TDRD1: variants seen among roughly 807,000 people sequenced by gnomAD.
TDRD1 encodes the protein tudor domain containing 1.
A neutral mutation model predicts 140.6 loss-of-function variants in TDRD1; 37 were observed. The ratio of observed to expected loss-of-function variants is 0.26; its 90% CI spans 0.20 to 0.35. TDRD1 has a LOEUF of 0.35. TDRD1 is among the 10% of genes least tolerant of loss of function. The probability of loss-of-function intolerance (pLI) is 1.00; values close to 1 mark genes in which losing one functional copy is unlikely to be tolerated. For missense variants in TDRD1, 1,243 were observed against 1,393.0 expected, an observed-to-expected ratio of 0.89 and a Z score of 1.71; for synonymous variants, 506 against 475.7, an observed-to-expected ratio of 1.06 and a Z score of -0.83.
chr10:114,217,492 GTTGT>G (rs1214632287), intron 16 of TDRD1, 49 bp from the exon 17 acceptor site: 3 of 1,003,912 alleles, frequency 3.0e-6, no homozygotes, highest in African/African-American at 1.7e-5. Context: ...GAAAATCTGT[GTTGT>G]TTATTTTTTA....
At chr10:114,214,600 A>G (rs1448411172) in intron 16 of TDRD1, among the ~76,000 whole-genome samples, 1 of 152,234 alleles carries the variant, frequency 6.6e-6, no homozygotes, top group Non-Finnish European at 1.5e-5. Context: ...ATACATGTGT[A>G]TATAGGAGTA....
exon 5 of TDRD1, chr10:114,201,481 G>A (rs201551896): frequency 6.2e-7 from 1 of 1,613,866 alleles, no homozygotes; most frequent in Non-Finnish European, 8.5e-7. Context: ...AGACTGGTCT[G>A]CACACAGCAT....
At position 114,231,941 on chromosome 10, in the gene TDRD1, T is replaced by TA. The variant is rs11316882; in HGVS notation, c.*442dup. The TA allele has an allele frequency of 6.0e-3, 836 of 138,520 alleles. 3 individuals are homozygous for TA. Among genetic ancestry groups the TA allele is most frequent in the South Asian group, 0.011 (47 of 4,222 alleles). 8.6% of individuals were successfully genotyped at this position (138,520 alleles called of 1,614,324 possible). A position where few individuals can be genotyped will look rare whatever the true frequency, so the allele number is the denominator to read the frequency against. ...CCAGCCTGGGTGACAGATTTTGTCT[T>TA]AAAAAAAAAAAAAAAAAAGTTGATA... On this transcript the variant is annotated 3_prime_UTR_variant, in exon 26 of 26. Transcript: ENST00000251864.
chr10:114,208,071 G>A (rs1184498893), intron 11 of TDRD1, among the ~76,000 whole-genome samples: 2 of 152,070 alleles, frequency 1.3e-5, no homozygotes, highest in East Asian at 1.9e-4. Flanking sequence ...GCAAGAAAAC[G>A]AACATGTGTT....
rs555565551 is a variant in TDRD1, at chr10:114,215,384, C to T, written c.2212+1270C>T. On this transcript the variant is annotated intron_variant, in intron 16 of 25. Transcript: ENST00000251864. ...TTACAGCATATCTGGTGCACATGTG[C>T]AGGCATTTTCATGGAGTCCAAACCT... 2.5e-4 allele frequency among the ~76,000 whole-genome samples: 38 copies of T among 152,218 alleles called. No homozygotes were observed. In the South Asian group the frequency reaches 7.7e-3, roughly 31 times the overall value.
intron 4 of TDRD1, 150 bp from the exon 5 acceptor site, chr10:114,201,260 T>C: frequency 1.6e-6 from 1 of 627,050 alleles, no homozygotes; most frequent in South Asian, 2.0e-5. Flanking sequence ...TTCTTCTCTG[T>C]ATTCTCAGAG....
At chr10:114,203,647 A>T in intron 8 of TDRD1, 80 bp downstream of exon 8, 1 of 1,280,026 alleles carries the variant, frequency 7.8e-7, no homozygotes, top group Non-Finnish European at 1.1e-6. Flanking sequence ...GCTTTTAATG[A>T]TGCATGACAA....
At chr10:114,214,759 A>G (rs1306527609) in intron 16 of TDRD1, among the ~76,000 whole-genome samples, 1 of 147,918 alleles carries the variant, frequency 6.8e-6, no homozygotes. Context: ...TTTCATTGAG[A>G]TGGAGTCTCG....
chr10:114,226,943 G>A (rs1589719207), intron 22 of TDRD1, 129 bp from the exon 23 acceptor site: 3 of 603,644 alleles, frequency 5.0e-6, no homozygotes, highest in East Asian at 2.8e-5. Flanking sequence ...TGCAACAGCA[G>A]TAGTACATCA....
At chr10:114,174,978 C>G (rs2032658781), upstream of TDRD1, among the ~76,000 whole-genome samples, 2 of 152,186 alleles carry the variant, frequency 1.3e-5, no homozygotes, top group Admixed American at 6.5e-5. Flanking sequence ...TTACACATAT[C>G]TCATGAATGA....
chr10:114,219,432 T>C (rs2036007819), intron 18 of TDRD1, among the ~76,000 whole-genome samples: 1 of 152,210 alleles, frequency 6.6e-6, no homozygotes, highest in Non-Finnish European at 1.5e-5. Context: ...TGTGTGTATA[T>C]GTGTGTATTT....
chr10:114,184,733 T>G (rs898092209), intron 1 of TDRD1, among the ~76,000 whole-genome samples: 1 of 152,230 alleles, frequency 6.6e-6, no homozygotes, highest in Non-Finnish European at 1.5e-5. Context: ...CTTTGCTATT[T>G]TGGTAAGTTT....
chr10:114,189,010 C>T (rs2033764708), intron 2 of TDRD1, among the ~76,000 whole-genome samples: 2 of 152,004 alleles, frequency 1.3e-5, no homozygotes, highest in Admixed American at 6.6e-5. Flanking sequence ...CTCTGGGCTT[C>T]CCCAGGAGGT....
At chr10:114,215,076 T>C (rs1168089731) in intron 16 of TDRD1, among the ~76,000 whole-genome samples, 2 of 152,182 alleles carry the variant, frequency 1.3e-5, no homozygotes, top group African/African-American at 4.8e-5. Context: ...AACATCTTGC[T>C]TTCTAATAGC....
intron 22 of TDRD1, 51 bp downstream of exon 22, chr10:114,226,267 C>T (rs767312254): frequency 9.9e-6 from 13 of 1,307,258 alleles, no homozygotes; most frequent in African/African-American, 7.6e-5. Context: ...TTTTTTTTTT[C>T]CTCTTTATGT....
chr10:114,227,940 CAG>C lies in TDRD1; in HGVS notation c.3437_3438del (p.Glu1146ValfsTer6), dbSNP rs770630128. On this transcript the variant is annotated frameshift_variant, in exon 24 of 26. Transcript: ENST00000251864. LOFTEE classifies it high-confidence loss of function. ...ATGTATAGGATGAATTGCTGCTGCA[CAG>C]AGTTACAGAAACAAGTAGGTAAAAT... 6.2e-7 allele frequency: 1 copy of C among 1,613,712 alleles called. No individual in the cohort carries two copies. Among genetic ancestry groups the C allele is most frequent in the East Asian group, 2.2e-5 (1 of 44,860 alleles).
At chr10:114,199,582 A>G (rs927489895) in intron 4 of TDRD1, among the ~76,000 whole-genome samples, 4 of 152,196 alleles carry the variant, frequency 2.6e-5, no homozygotes, top group African/African-American at 4.8e-5. Flanking sequence ...TTGTCATAAC[A>G]TAGGATGTTT....
intron 25 of TDRD1, chr10:114,228,634 C>G: frequency 1.0e-6 from 1 of 985,380 alleles, no homozygotes. Flanking sequence ...AAACATACTC[C>G]CTGCTTTTGG....
At chr10:114,225,856 CAA>C (rs369019516) in intron 21 of TDRD1, among the ~76,000 whole-genome samples, 191 bp from the exon 22 acceptor site, 63 of 102,584 alleles carry the variant, frequency 6.1e-4, no homozygotes, top group African/African-American at 7.2e-4. Flanking sequence ...GACCCTGTCT[CAA>C]AAAAAAAAAA....
Sources: gnomAD v4.1 joint callset for allele counts (sites outside exome capture counted in the v4.1 genomes callset) on GRCh38, gnomAD v4.1.1 for gene constraint, MANE v1.5 for transcripts, NCBI Gene and HGNC (gene_info 2026-07-23, HGNC 2026-07-21) for gene names.